Variants in TPST1 observed in about 807,000 individuals in gnomAD.
TPST1 encodes the protein protein-tyrosine sulfotransferase 1.
Under a neutral mutation model 34.8 loss-of-function variants are expected in TPST1, and 20 were observed. The ratio of observed to expected loss-of-function variants is 0.57; its 90% CI spans 0.40 to 0.84. TPST1 has a LOEUF of 0.84. Ranked by LOEUF, TPST1 falls within the 40% of genes least tolerant of loss-of-function variation. The pLI is 0.00. For missense variants in TPST1, 353 were observed against 455.5 expected, an observed-to-expected ratio of 0.78 and a Z score of 2.05; for synonymous variants, 152 against 159.4, an observed-to-expected ratio of 0.95 and a Z score of 0.35.
At chr7:66,244,861 G>A (rs1174676517) in intron 2 of TPST1, among the ~76,000 whole-genome samples, 1 of 152,102 alleles carries the variant, frequency 6.6e-6, no homozygotes, top group Admixed American at 6.6e-5. Flanking sequence ...TACACTTAGG[G>A]CAGAAAGAGA....
chr7:66,253,370 C>CTTTTT (rs199518226), intron 2 of TPST1, among the ~76,000 whole-genome samples: 1 of 130,170 alleles, frequency 7.7e-6, no homozygotes, highest in African/African-American at 2.8e-5. Context: ...AGATCGCTTT[C>CTTTTT]TTTTTTTTTT....
chr7:66,304,370 G>A (rs1209505144), intron 3 of TPST1, among the ~76,000 whole-genome samples: 1 of 152,180 alleles, frequency 6.6e-6, no homozygotes, highest in African/African-American at 2.4e-5. Flanking sequence ...TTTAGGAGAG[G>A]CCAGTGGAGC....
At chr7:66,199,808 G>T in the TPST1 span, among the ~76,000 whole-genome samples, 4 of 151,836 alleles carry the variant, frequency 2.6e-5, no homozygotes, top group Non-Finnish European at 5.9e-5. Flanking sequence ...CTGCCTCCTG[G>T]GTTCAAGGAA....
At chr7:66,322,237 A>G (rs1791771484) in intron 3 of TPST1, among the ~76,000 whole-genome samples, 1 of 152,172 alleles carries the variant, frequency 6.6e-6, no homozygotes, top group Non-Finnish European at 1.5e-5. Flanking sequence ...ATTTCTTTTC[A>G]TTGTGGTAAG....
intron 3 of TPST1, among the ~76,000 whole-genome samples, chr7:66,294,364 CCATATAACCGTAT>C (rs72188127): frequency 0.039 from 5,871 of 152,248 alleles, 370 homozygotes; most frequent in African/African-American, 0.13. Context: ...CTCCCTACAA[CCATATAACCGTAT>C]CATGTTTTTA....
intron 3 of TPST1, among the ~76,000 whole-genome samples, chr7:66,310,486 C>T (rs1283003190): frequency 3.3e-5 from 5 of 151,992 alleles, no homozygotes; most frequent in Admixed American, 6.6e-5. Flanking sequence ...ATTCTATTAC[C>T]GTGTGTTCAC....
chr7:66,323,576 A>C (rs1791801994), intron 3 of TPST1, among the ~76,000 whole-genome samples: 1 of 152,214 alleles, frequency 6.6e-6, no homozygotes, highest in Non-Finnish European at 1.5e-5. Flanking sequence ...GCTGCATCGA[A>C]ACTAAAAACT....
chr7:66,333,815 A>G (rs1532573), intron 3 of TPST1, among the ~76,000 whole-genome samples: 136,503 of 152,252 alleles, frequency 0.9, 61,371 homozygotes, highest in African/African-American at 0.94. Context: ...CTAATAACAT[A>G]TTTCCTTAAA....
chr7:66,220,419 AACAG>A (rs1399812097), intron 1 of TPST1, among the ~76,000 whole-genome samples: 1 of 152,210 alleles, frequency 6.6e-6, no homozygotes, highest in South Asian at 2.1e-4. Flanking sequence ...CTACTGGAAA[AACAG>A]ACAAAGTAAC....
chr7:66,264,445 T>G (rs1790550795), intron 2 of TPST1, among the ~76,000 whole-genome samples: 1 of 152,216 alleles, frequency 6.6e-6, no homozygotes, highest in South Asian at 2.1e-4. Flanking sequence ...AGTTAGAAGC[T>G]ACCTGGCTAA....
intron 2 of TPST1, among the ~76,000 whole-genome samples, chr7:66,258,184 TTG>T (rs1322815259): frequency 6.6e-6 from 1 of 152,184 alleles, no homozygotes; most frequent in African/African-American, 2.4e-5. Context: ...TTACTTTTGA[TTG>T]TCTTTTCCCT....
chr7:66,334,544 G>T (rs1792056229), intron 3 of TPST1, among the ~76,000 whole-genome samples: 1 of 148,810 alleles, frequency 6.7e-6, no homozygotes, highest in Non-Finnish European at 1.5e-5. Flanking sequence ...GCTGAGACAG[G>T]AGAATTGCTT....
intron 1 of TPST1, among the ~76,000 whole-genome samples, chr7:66,234,558 G>A (rs961332377): frequency 2.6e-5 from 4 of 152,112 alleles, no homozygotes; most frequent in Non-Finnish European, 4.4e-5. Context: ...AATTTTTCGT[G>A]CTTGGAATTG....
At position 66,292,787 on chromosome 7, in the gene TPST1, C is replaced by G. The variant is rs1425083137; in HGVS notation, c.1044+6078C>G. On this transcript the variant is annotated intron_variant, in intron 3 of 5. Transcript: ENST00000304842. ...CTCCCTAGTGAGATGAACCCGGTACCTCAGATGGAAATGCAGAAATCACCC... is the reference window on the plus strand; with the variant it reads ...CTCCCTAGTGAGATGAACCCGGTACGTCAGATGGAAATGCAGAAATCACCC... Among the ~76,000 whole-genome samples the G allele has an allele frequency of 4.0e-5, 6 of 149,774 alleles. No homozygotes were observed. The East Asian group carries it at 1.0e-3, about 25-fold the overall frequency.
chr7:66,336,048 C>T (rs971502680), intron 3 of TPST1, among the ~76,000 whole-genome samples: 14 of 152,320 alleles, frequency 9.2e-5, no homozygotes, highest in Admixed American at 2.0e-4. Context: ...TGGTGGCTTA[C>T]GCCTGTAATC....
chr7:66,271,404 C>T (rs1790702480), intron 2 of TPST1, among the ~76,000 whole-genome samples: 1 of 152,188 alleles, frequency 6.6e-6, no homozygotes. Context: ...ATCTTGATCT[C>T]CTGATCTCGT....
chr7:66,339,967 C>T (rs980163359), intron 3 of TPST1, among the ~76,000 whole-genome samples: 2 of 151,874 alleles, frequency 1.3e-5, no homozygotes, highest in African/African-American at 4.8e-5. Context: ...ATGATGATTT[C>T]AATAGATGCT....
At chr7:66,266,725 T>C (rs1051259918) in intron 2 of TPST1, among the ~76,000 whole-genome samples, 2 of 152,234 alleles carry the variant, frequency 1.3e-5, no homozygotes, top group Non-Finnish European at 2.9e-5. Context: ...CAGTGATACA[T>C]ACAACATGGT....
chr7:66,212,165 G>A (rs1275826106), intron 1 of TPST1, among the ~76,000 whole-genome samples: 1 of 152,106 alleles, frequency 6.6e-6, no homozygotes, highest in East Asian at 1.9e-4. Flanking sequence ...TATCGATCTT[G>A]TATCTTTTTA....
Sources: allele counts gnomAD v4.1 joint callset (sites outside exome capture counted in the v4.1 genomes callset), GRCh38; gene constraint gnomAD v4.1.1; transcripts MANE v1.5; gene names NCBI Gene and HGNC (gene_info 2026-07-23, HGNC 2026-07-21).